Variants in GAPVD1 observed in about 807,000 individuals in gnomAD.
GAPVD1 encodes the protein GTPase activating protein and VPS9 domains 1.
GAPVD1 carries 35 observed loss-of-function variants against 155.5 expected under a neutral mutation model. That is an observed-to-expected ratio of 0.23 (90% CI 0.17 to 0.30). GAPVD1 has a LOEUF of 0.30. Ranked by LOEUF, GAPVD1 falls within the 10% of genes least tolerant of loss-of-function variation. The pLI is 1.00. For missense variants in GAPVD1, 1,429 were observed against 1,775.7 expected (o/e 0.80, Z 3.51); for synonymous variants, 636 against 619.7 (o/e 1.03, Z -0.39).
chr9:125,345,626 C>G (rs1055565234), intron 19 of GAPVD1, among the ~76,000 whole-genome samples: 1 of 152,098 alleles, frequency 6.6e-6, no homozygotes, highest in East Asian at 1.9e-4. Flanking sequence ...TTCATGAGAA[C>G]AAAAGAAGAG....
rs530760310 is a variant in GAPVD1 at position 125,313,393 on chromosome 9, TC to T, written c.1602+784del. Among the ~76,000 whole-genome samples the T allele has an allele frequency of 2.2e-4, 33 of 150,972 alleles. No individual in the cohort carries two copies. In the South Asian group the frequency reaches 6.5e-3, roughly 30 times the overall value. ...ATCTCAGCTCACTGCAAGCTCTGCC[TC>T]CCGGATTCACACTGTTCTCCTGCCT... On this transcript the variant is annotated intron_variant, in intron 9 of 27. Coordinates refer to ENST00000297933, the MANE Select transcript of GAPVD1 (RefSeq NM_001282680.3).
intron 8 of GAPVD1, among the ~76,000 whole-genome samples, chr9:125,311,988 A>G (rs551909455): frequency 2.2e-4 from 34 of 152,270 alleles, no homozygotes; most frequent in African/African-American, 7.7e-4. Context: ...CCAAAGTGCT[A>G]GGATTACAGG....
At chr9:125,285,241 G>GGCA (rs1334876511) in intron 2 of GAPVD1, among the ~76,000 whole-genome samples, 1 of 152,048 alleles carries the variant, frequency 6.6e-6, no homozygotes, top group African/African-American at 2.4e-5. Flanking sequence ...TATACAAACA[G>GGCA]GCAGCAGGCT....
intron 12 of GAPVD1, among the ~76,000 whole-genome samples, chr9:125,328,317 C>T (rs999083831): frequency 1.1e-4 from 15 of 133,788 alleles, no homozygotes; most frequent in African/African-American, 3.0e-5. Flanking sequence ...GAACAAAGGT[C>T]TCTGGTTTTC....
At chr9:125,308,326 ACC>A (rs34177487) in intron 8 of GAPVD1, 153,343 of 158,642 alleles carry the variant, frequency 0.97, 74,181 homozygotes, top group East Asian at 1. Flanking sequence ...AGCCTGGGTG[ACC>A]CTGAGTGAGA....
At chr9:125,343,460 G>A (rs1344910748) in intron 19 of GAPVD1, among the ~76,000 whole-genome samples, 1 of 152,146 alleles carries the variant, frequency 6.6e-6, no homozygotes, top group East Asian at 1.9e-4. Context: ...AAAGAGTTCA[G>A]CATTACAGGT....
rs74830278 is a variant in GAPVD1 at position 125,311,350 on chromosome 9, G to A, written c.1442-1102G>A. 3.3e-5 allele frequency among the ~76,000 whole-genome samples: 5 copies of A among 152,208 alleles called. No homozygotes were observed. The South Asian group carries it at 8.3e-4, about 25-fold the overall frequency. On this transcript the variant is annotated intron_variant, in intron 8 of 27. Coordinates refer to ENST00000297933, the MANE Select transcript of GAPVD1 (RefSeq NM_001282680.3). ...TAAAAACTGATTCTGGGCTGGGCAC[G>A]GTGGCTCATGCCTGTAATCCCAGCA... is the stretch of plus-strand genomic sequence containing the variant.
intron 2 of GAPVD1, among the ~76,000 whole-genome samples, chr9:125,284,021 G>A (rs1488548314): frequency 1.3e-5 from 2 of 151,668 alleles, no homozygotes; most frequent in African/African-American, 4.8e-5. Context: ...CTACAGGTAC[G>A]TGCCACCATG....
intron 5 of GAPVD1, among the ~76,000 whole-genome samples, chr9:125,303,496 G>A (rs181929559): frequency 1.2e-3 from 184 of 151,568 alleles, no homozygotes; most frequent in African/African-American, 4.1e-3. Flanking sequence ...AAAAAAATTG[G>A]CCGGGTGCGG....
chr9:125,337,494 G>C lies in GAPVD1; in HGVS notation c.2780G>C (p.Arg927Pro). ...AACCGGCGTCCAGGAAATGAAGAGC[G>C]AGAACTCCCTCCAGCTGCAGCCATT... ...SWNRRPGNEE[R>P]ELPPAAAIGA... The change falls in exon 17 of 28, where the codon CGA becomes CCA. Residue 927 changes from arginine to proline, a missense_variant. This residue lies in a region of GAPVD1 where 699 missense variants were observed against 826.0 expected (regional missense o/e 0.85). Transcript: ENST00000297933. 1.2e-6 allele frequency: 2 copies of C among 1,614,166 alleles called. No individual in the cohort carries two copies. Among genetic ancestry groups the C allele is most frequent in the Non-Finnish European group, 1.7e-6 (2 of 1,180,008 alleles).
In GAPVD1 at chr9:125,359,512, C is replaced by T; in HGVS notation, c.4044+20C>T. On this transcript the variant is annotated intron_variant, in intron 26 of 27. Coordinates refer to ENST00000297933, the MANE Select transcript of GAPVD1 (RefSeq NM_001282680.3). ...CCAGAGGTAATACAGGTTTATATAGCATGGGTAATGTTAACTAAATGCTGC... is the reference window on the plus strand; with the variant it reads ...CCAGAGGTAATACAGGTTTATATAGTATGGGTAATGTTAACTAAATGCTGC... 8.2e-7 allele frequency: 1 copy of T among 1,221,554 alleles called. No homozygotes were observed. Among genetic ancestry groups the T allele is most frequent in the Non-Finnish European group, 1.2e-6 (1 of 822,492 alleles). The allele number at this position is 1,221,554 out of a possible 1,614,324, so 75.7% of individuals were successfully genotyped here. A position where few individuals can be genotyped will look rare whatever the true frequency, so the allele number is the denominator to read the frequency against.
intron 9 of GAPVD1, among the ~76,000 whole-genome samples, chr9:125,317,973 G>A (rs1228172172): frequency 6.6e-6 from 1 of 152,230 alleles, no homozygotes; most frequent in Admixed American, 6.5e-5. Flanking sequence ...AGTCTCAGGA[G>A]CAGAAAGATT....
intron 23 of GAPVD1, among the ~76,000 whole-genome samples, chr9:125,352,257 C>T (rs763820608): frequency 1.7e-4 from 26 of 152,224 alleles, no homozygotes; most frequent in Non-Finnish European, 2.1e-4. Context: ...GTGGGGGCTC[C>T]GATCCCACAT....
At position 125,322,238 on chromosome 9, in the gene GAPVD1, G is replaced by A. The variant is rs192683528; in HGVS notation, c.1732+676G>A. ...CGCCACCACGCCTGGCTAATTTTTTGTATTTTTAGTAGAGACGGGGTTTCA... is the reference window on the plus strand; with the variant it reads ...CGCCACCACGCCTGGCTAATTTTTTATATTTTTAGTAGAGACGGGGTTTCA... On this transcript the variant is annotated intron_variant, in intron 10 of 27. Transcript: ENST00000297933. 5.9e-5 allele frequency among the ~76,000 whole-genome samples: 9 copies of A among 152,060 alleles called. No individual in the cohort carries two copies. In the East Asian group the frequency reaches 1.2e-3, roughly 20 times the overall value.
At chr9:125,332,345 A>G (rs1210288609) in intron 14 of GAPVD1, among the ~76,000 whole-genome samples, 165 bp from the exon 15 acceptor site, 1 of 152,194 alleles carries the variant, frequency 6.6e-6, no homozygotes, top group Non-Finnish European at 1.5e-5. Flanking sequence ...AAAGCAAGGT[A>G]AGTATATTTA....
chr9:125,338,164 C>T (rs148708399), intron 17 of GAPVD1, among the ~76,000 whole-genome samples: 21 of 152,278 alleles, frequency 1.4e-4, no homozygotes, highest in African/African-American at 4.3e-4. Context: ...CATGAGCCAC[C>T]GCACCTGGCC....
At chr9:125,277,337 A>G (rs1183579140) in intron 2 of GAPVD1, among the ~76,000 whole-genome samples, 1 of 152,156 alleles carries the variant, frequency 6.6e-6, no homozygotes, top group Non-Finnish European at 1.5e-5. Flanking sequence ...GGAGAGATGA[A>G]CCCAAATGAG....
intron 2 of GAPVD1, among the ~76,000 whole-genome samples, chr9:125,269,710 CT>C (rs951306489): frequency 0.039 from 2,033 of 52,772 alleles, 9 homozygotes; most frequent in African/African-American, 0.17. Flanking sequence ...CCATGCCTGG[CT>C]TTTTTTTTTT....
At chr9:125,305,032 T>TA in intron 5 of GAPVD1, 31 bp from the exon 6 acceptor site, 1 of 1,449,482 alleles carries the variant, frequency 6.9e-7, no homozygotes, top group Non-Finnish European at 9.7e-7. Context: ...GTCTGTAGCT[T>TA]ATGTCTCCCT....
Sources: gnomAD v4.1 joint callset for allele counts (sites outside exome capture counted in the v4.1 genomes callset) on GRCh38, gnomAD v4.1.1 for gene constraint, gnomAD v4.1.1 regional missense constraint, MANE v1.5 for transcripts, NCBI Gene and HGNC (gene_info 2026-07-23, HGNC 2026-07-21) for gene names.